The following TYRO3 variants were observed in gnomAD, a reference collection of about 807,000 sequenced individuals.
TYRO3 encodes the protein TYRO3 protein tyrosine kinase, also known as tyrosine-protein kinase receptor TYRO3.
Under a neutral mutation model 95.2 loss-of-function variants are expected in TYRO3, and 38 were observed. That is an observed-to-expected ratio of 0.40 (90% CI 0.31 to 0.52). The LOEUF (loss-of-function observed/expected upper bound fraction) is 0.52. TYRO3 is among the 20% of genes least tolerant of loss of function. The pLI is 0.56. For missense variants in TYRO3, 812 were observed against 1,116.4 expected (o/e 0.73, Z 3.89); for synonymous variants, 367 against 432.9 (o/e 0.85, Z 1.89).
rs12906912 is a variant in TYRO3, at chr15:41,580,262, G to C, written c.*1986G>C. On this transcript the variant is annotated 3_prime_UTR_variant, in exon 19 of 19. Transcript: ENST00000263798. Reference sequence around the variant, plus strand: ...GCAGTGGCTCACGCCTGTAATCCCAGCACTTTGGGAGACCTGGGTGTGTGG... The same window carrying C: ...GCAGTGGCTCACGCCTGTAATCCCACCACTTTGGGAGACCTGGGTGTGTGG... 65,845 of 151,854 alleles carry C rather than the reference G, an allele frequency of 0.43. 14,796 individuals are homozygous for C. Among genetic ancestry groups the C allele is most frequent in the East Asian group, 0.82 (4,203 of 5,136 alleles). 9.4% of individuals were successfully genotyped at this position (151,854 alleles called of 1,614,324 possible).
At position 41,565,040 on chromosome 15, in the gene TYRO3, C is replaced by T; in HGVS notation, c.682C>T (p.Pro228Ser). The change falls in exon 6 of 19, where the codon CCC becomes TCC. Residue 228 changes from proline to serine, a missense_variant. Coordinates refer to ENST00000263798, the MANE Select transcript of TYRO3 (RefSeq NM_006293.4). ...TVHLQALPAA[P>S]FNITVTKLSS... Reference sequence around the variant, plus strand: ...CCCGTCCACAGCACTGCCTGCAGCCCCCTTCAACATCACCGTGACAAAGCT... The same window carrying T: ...CCCGTCCACAGCACTGCCTGCAGCCTCCTTCAACATCACCGTGACAAAGCT... 6.2e-7 allele frequency: 1 copy of T among 1,612,060 alleles called. No homozygotes were observed. Among genetic ancestry groups the T allele is most frequent in the East Asian group, 2.2e-5 (1 of 44,882 alleles).
intron 14 of TYRO3, 60 bp from the exon 15 acceptor site, chr15:41,572,383 A>C (rs946011962): frequency 6.5e-7 from 1 of 1,549,762 alleles, no homozygotes; most frequent in East Asian, 2.3e-5. Flanking sequence ...GGACTTATGC[A>C]GACACCTGAA....
intron 8 of TYRO3, 109 bp downstream of exon 8, chr15:41,568,471 G>T: frequency 8.8e-7 from 1 of 1,136,374 alleles, no homozygotes. Flanking sequence ...TGGGTCTCCC[G>T]CAGCCCCAGG....
intron 4 of TYRO3, among the ~76,000 whole-genome samples, chr15:41,563,546 G>A (rs1037255661): frequency 6.6e-6 from 1 of 152,158 alleles, no homozygotes; most frequent in African/African-American, 2.4e-5. Flanking sequence ...AGTTGGAGCA[G>A]ATTAGAGAGG....
Position 41,559,318 on chromosome 15 carries a change from C to G in TYRO3, c.61C>G (p.Pro21Ala). ...CCCGCCGCTGCCGCTGCCGCCGCCA[C>G]CGCGGCTCGGGCTGCTGCTGGCGGC... ...GLPPLPLPPP[P>A]RLGLLLAALA... Residue 21 changes from proline (P) to alanine (A), a missense_variant, in exon 1 of 19, where the codon CCG becomes GCG. Physicochemically the swap from Pro to Ala is conservative, Grantham distance 27. Transcript: ENST00000263798. The G allele has an allele frequency of 1.5e-6, 1 of 645,612 alleles. No homozygotes were observed. Among genetic ancestry groups the G allele is most frequent in the East Asian group, 4.3e-5 (1 of 23,182 alleles). 40.0% of individuals were successfully genotyped at this position (645,612 alleles called of 1,614,324 possible).
intron 3 of TYRO3, chr15:41,562,125 CCA>C (rs2055665640): frequency 5.5e-6 from 1 of 180,316 alleles, no homozygotes; most frequent in African/African-American, 2.4e-5. Flanking sequence ...CTCTCCACCC[CCA>C]GTCTCCTCTC....
chr15:41,561,458 G>T, intron 2 of TYRO3, 81 bp from the exon 3 acceptor site: 1 of 1,510,536 alleles, frequency 6.6e-7, no homozygotes, highest in Non-Finnish European at 9.0e-7. Flanking sequence ...CAGAAGTGGG[G>T]GCAGGCTGAA....
rs745604133 is a variant in TYRO3 at position 41,564,215 on chromosome 15, A to G, written c.612A>G (p.Glu204=). The G allele has an allele frequency of 1.2e-6, 2 of 1,613,996 alleles. No individual in the cohort carries two copies. The highest frequency in any genetic ancestry group is 1.7e-5 in the Admixed American group (1 of 59,998). The change falls in exon 5 of 19, where the codon GAA becomes GAG. Residue 204 remains glutamate (E), a synonymous_variant. Transcript: ENST00000263798. Reference sequence around the variant, plus strand: ...CCCAGAGCACCATGTTTTCCTGTGAAGCTCACAACCTAAAAGGCCTGGCCT... The same window carrying G: ...CCCAGAGCACCATGTTTTCCTGTGAGGCTCACAACCTAAAAGGCCTGGCCT... ...GVTQSTMFSC[E]AHNLKGLASS...
intron 17 of TYRO3, 49 bp from the exon 18 acceptor site, chr15:41,573,630 C>G: frequency 6.9e-7 from 1 of 1,457,802 alleles, no homozygotes; most frequent in South Asian, 1.2e-5. Context: ...CTCTGCCTGG[C>G]TCAGGACACC....
In TYRO3 at chr15:41,580,590, G is replaced by C. The variant is rs552348128; in HGVS notation, c.*2314G>C. Reference sequence around the variant, plus strand: ...TAGAGATAATCACCATTGATCTTTTGAAAATGCAAATATTCAGCTGGGCAC... The same window carrying C: ...TAGAGATAATCACCATTGATCTTTTCAAAATGCAAATATTCAGCTGGGCAC... On this transcript the variant is annotated 3_prime_UTR_variant, in exon 19 of 19. Transcript: ENST00000263798. 6.7e-6 allele frequency: 1 copy of C among 149,342 alleles called. No homozygotes were observed. Among genetic ancestry groups the C allele is most frequent in the African/African-American group, 2.4e-5 (1 of 40,908 alleles). 9.3% of individuals were successfully genotyped at this position (149,342 alleles called of 1,614,324 possible).
chr15:41,575,277 A>T (rs2055845851), intron 18 of TYRO3, among the ~76,000 whole-genome samples: 2 of 152,366 alleles, frequency 1.3e-5, no homozygotes, highest in Non-Finnish European at 2.9e-5. Context: ...CTGTTCATTC[A>T]GCAGAGCTCA....
In TYRO3 at chr15:41,571,672, G is replaced by T; in HGVS notation, c.1738G>T (p.Val580Leu). The T allele has an allele frequency of 6.2e-7, 1 of 1,611,386 alleles. No individual in the cohort carries two copies. The highest frequency in any genetic ancestry group is 8.5e-7 in the Non-Finnish European group (1 of 1,177,714). The change falls in exon 14 of 19, where the codon GTG becomes TTG. Residue 580 changes from valine (V) to leucine (L), a missense_variant. Physicochemically the swap from Val to Leu is conservative, Grantham distance 32. Coordinates refer to ENST00000263798, the MANE Select transcript of TYRO3 (RefSeq NM_006293.4). ...CATGAAGGAGTTTGACCATCCACAC[G>T]TGGCCAAACTTGTTGGTGAGCCCAT... The part of the protein sequence containing the change: ...ACMKEFDHPH[V>L]AKLVGVSLRS...
In TYRO3 at chr15:41,562,699, A is replaced by C. The variant is rs1321412342; in HGVS notation, c.561A>C (p.Pro187=). The change falls in exon 4 of 19, where the codon CCA becomes CCC. Residue 187 remains proline (P), a synonymous_variant. Transcript: ENST00000263798. ...TTKIGGPAPS[P]SVLNVTGVTQ... ...AGATCGGGGGACCCGCTCCCTCTCC[A>C]TCTGTTTTAAATGTAACAGGTGAGC... The C allele has an allele frequency of 3.1e-6, 5 of 1,613,378 alleles. No homozygotes were observed. The highest frequency in any genetic ancestry group is 1.1e-5 in the South Asian group (1 of 90,856).
rs1235431402 is a variant in TYRO3, at chr15:41,578,354, C to A, written c.*78C>A. ...CTGGCTGACTAAGCCCCGTCTGACC[C>A]CAGCCCAGACAGCAAGGTGTGGAGG... On this transcript the variant is annotated 3_prime_UTR_variant, in exon 19 of 19. Transcript: ENST00000263798. The A allele has an allele frequency of 2.1e-5, 33 of 1,559,372 alleles. No individual in the cohort carries two copies. Among genetic ancestry groups the A allele is most frequent in the Non-Finnish European group, 2.5e-5 (29 of 1,146,340 alleles).
At chr15:41,571,553 A>G in intron 13 of TYRO3, 42 bp from the exon 14 acceptor site, 2 of 1,378,940 alleles carry the variant, frequency 1.5e-6, no homozygotes, top group Non-Finnish European at 2.1e-6. Flanking sequence ...AACTAGGGGC[A>G]CATCTTGTTT....
chr15:41,576,955 T>C (rs2055868573), intron 18 of TYRO3, among the ~76,000 whole-genome samples: 2 of 152,142 alleles, frequency 1.3e-5, no homozygotes, highest in African/African-American at 2.4e-5. Flanking sequence ...CATACCACTG[T>C]GTCCGGCTGC....
At chr15:41,567,221 G>A (rs902176315) in intron 6 of TYRO3, 139 bp from the exon 7 acceptor site, 9 of 570,186 alleles carry the variant, frequency 1.6e-5, no homozygotes, top group Non-Finnish European at 8.2e-6. Context: ...TTATTGGGGT[G>A]GGGGCAGATG....
At chr15:41,570,361 G>C in intron 11 of TYRO3, 21 bp downstream of exon 11, 1 of 1,612,176 alleles carries the variant, frequency 6.2e-7, no homozygotes, top group Non-Finnish European at 8.5e-7. Context: ...GGTGATCGTG[G>C]GAAGGACAAA....
chr15:41,564,986 A>G, intron 5 of TYRO3, 40 bp from the exon 6 acceptor site: 1 of 1,381,718 alleles, frequency 7.2e-7, no homozygotes, highest in Non-Finnish European at 1.0e-6. Flanking sequence ...GCCTCTGCTC[A>G]TATCCCTACT....
Sources: gnomAD v4.1 joint callset for allele counts (sites outside exome capture counted in the v4.1 genomes callset) on GRCh38, gnomAD v4.1.1 for gene constraint, MANE v1.5 for transcripts, NCBI Gene and HGNC (gene_info 2026-07-23, HGNC 2026-07-21) for gene names.